FBXO4: variants seen among roughly 807,000 people sequenced by gnomAD.
FBXO4 encodes F-box protein 4, also known as F-box only protein 4.
FBXO4 carries 36 observed loss-of-function variants against 43.7 expected under a neutral mutation model. The observed-to-expected ratio is 0.82, with a 90% CI of 0.63 to 1.09. The LOEUF is 1.09. Ranked by LOEUF, FBXO4 falls within the 50% of genes least tolerant of loss-of-function variation. The probability of loss-of-function intolerance (pLI) is 0.00; values close to 1 mark genes in which losing one functional copy is unlikely to be tolerated. For missense variants in FBXO4, 435 were observed against 474.1 expected, an observed-to-expected ratio of 0.92 and a Z score of 0.77; for synonymous variants, 180 against 165.6, an observed-to-expected ratio of 1.09 and a Z score of -0.67.
chr5:41,943,924 C>T (rs573141606), downstream of FBXO4, among the ~76,000 whole-genome samples: 1 of 152,260 alleles, frequency 6.6e-6, no homozygotes, highest in East Asian at 1.9e-4. Flanking sequence ...TGTTTATAGA[C>T]AGACAAAAGA....
intron 5 of FBXO4, among the ~76,000 whole-genome samples, chr5:41,938,662 G>T (rs1751915398): frequency 6.6e-6 from 1 of 152,170 alleles, no homozygotes; most frequent in Admixed American, 6.5e-5. Context: ...CTCTTGGGCT[G>T]AAATTTGTGT....
the FBXO4 span, among the ~76,000 whole-genome samples, chr5:42,019,708 CCAAGA>C: frequency 4.0e-5 from 6 of 149,888 alleles, no homozygotes; most frequent in African/African-American, 1.2e-4. Context: ...AAAAAAAAAA[CCAAGA>C]AAGAAAGAAA....
chr5:42,031,637 C>CA, the FBXO4 span, among the ~76,000 whole-genome samples: 7 of 151,652 alleles, frequency 4.6e-5, no homozygotes, highest in African/African-American at 1.7e-4. Flanking sequence ...AACAAACAAA[C>CA]AAAAAAAGAA....
chr5:42,023,960 T>G, the FBXO4 span, among the ~76,000 whole-genome samples: 1 of 152,078 alleles, frequency 6.6e-6, no homozygotes, highest in South Asian at 2.1e-4. Context: ...TCAGGTTTGC[T>G]GGCTGTTGGC....
intron 3 of FBXO4, among the ~76,000 whole-genome samples, chr5:41,932,650 A>T (rs1212993250): frequency 1.3e-5 from 2 of 152,230 alleles, no homozygotes. Flanking sequence ...TTATTAAAAA[A>T]TTCTTCCAAC....
At chr5:42,004,026 C>T in the FBXO4 span, among the ~76,000 whole-genome samples, 52 of 152,192 alleles carry the variant, frequency 3.4e-4, no homozygotes, top group African/African-American at 9.4e-4. Context: ...ACATATACAC[C>T]GTGGAATATT....
chr5:42,007,191 T>C, the FBXO4 span, among the ~76,000 whole-genome samples: 6 of 144,704 alleles, frequency 4.1e-5, no homozygotes, highest in Admixed American at 4.2e-4. Context: ...ATGTTACTGA[T>C]GTCTTTATAA....
intron 6 of FBXO4, among the ~76,000 whole-genome samples, chr5:41,939,982 TG>T (rs1436390319): frequency 6.6e-6 from 1 of 151,448 alleles, no homozygotes; most frequent in African/African-American, 2.4e-5. Context: ...CCCAGGTACC[TG>T]GGACTACAGG....
the FBXO4 span, among the ~76,000 whole-genome samples, chr5:42,030,914 T>G: frequency 3.3e-5 from 5 of 152,122 alleles, no homozygotes; most frequent in East Asian, 1.9e-4. Flanking sequence ...TGAGATACCA[T>G]CTCACACCAG....
the FBXO4 span, among the ~76,000 whole-genome samples, chr5:41,989,253 G>A: frequency 2.6e-5 from 4 of 152,074 alleles, no homozygotes; most frequent in Non-Finnish European, 5.9e-5. Flanking sequence ...TTATGAAAAA[G>A]TAGATTCAAA....
chr5:41,948,137 C>CTTT, the FBXO4 span, among the ~76,000 whole-genome samples: 21 of 138,042 alleles, frequency 1.5e-4, no homozygotes, highest in African/African-American at 4.6e-4. Context: ...TGGCTACAAT[C>CTTT]TTTTTTTTTT....
chr5:41,942,437 G>A (rs1438863679), downstream of FBXO4, among the ~76,000 whole-genome samples: 1 of 150,368 alleles, frequency 6.7e-6, no homozygotes, highest in Non-Finnish European at 1.5e-5. Context: ...TTTTAAAATG[G>A]CATTTCAGTT....
rs957828560 is a variant in FBXO4, at chr5:41,925,426, C to T, written c.117C>T (p.Ser39=). 1 of 1,379,386 alleles carries T rather than the reference C, an allele frequency of 7.2e-7. No individual in the cohort carries two copies. The highest frequency in any genetic ancestry group is 3.7e-5 in the Admixed American group (1 of 27,196). 85.4% of individuals were successfully genotyped at this position (1,379,386 alleles called of 1,614,324 possible). A position where few individuals can be genotyped will look rare whatever the true frequency, so the allele number is the denominator to read the frequency against. ...GGAAGACCTTCTGGCAGTCAGTGAG[C>T]AAGGAGAGGGTGGCGCGTACGACCT... ...SGWKTFWQSV[S]KERVARTTSR... is the part of the protein sequence containing the mutation. Residue 39 remains serine (S), a synonymous_variant, in exon 1 of 7, where the codon AGC becomes AGT. Transcript: ENST00000281623.
At chr5:41,952,079 G>T in the FBXO4 span, 1 of 196,382 alleles carries the variant, frequency 5.1e-6, no homozygotes, top group East Asian at 1.4e-4. Context: ...TTTTGTAGAG[G>T]TACTGTTCCA....
chr5:41,966,082 G>A, the FBXO4 span, among the ~76,000 whole-genome samples: 1 of 152,116 alleles, frequency 6.6e-6, no homozygotes, highest in Non-Finnish European at 1.5e-5. Flanking sequence ...TCGCTCATAG[G>A]TGGGAATTGA....
At chr5:42,021,456 G>T in the FBXO4 span, among the ~76,000 whole-genome samples, 21 of 152,094 alleles carry the variant, frequency 1.4e-4, no homozygotes, top group Non-Finnish European at 2.6e-4. Context: ...AACTAAATTT[G>T]GGACAGAGAA....
chr5:41,986,927 T>C, the FBXO4 span, among the ~76,000 whole-genome samples: 1 of 152,306 alleles, frequency 6.6e-6, no homozygotes, highest in African/African-American at 2.4e-5. Flanking sequence ...GTTGCCTTAA[T>C]GTGGAAATGT....
At chr5:41,930,881 C>T (rs150528334) in intron 3 of FBXO4, among the ~76,000 whole-genome samples, 1,546 of 152,298 alleles carry the variant, frequency 0.01, 10 homozygotes, top group Non-Finnish European at 0.016. Flanking sequence ...TGGTCTCGAT[C>T]TCATGACCTC....
chr5:41,985,129 C>T, the FBXO4 span, among the ~76,000 whole-genome samples: 1 of 152,190 alleles, frequency 6.6e-6, no homozygotes, highest in Non-Finnish European at 1.5e-5. Context: ...CTTCTCCAAA[C>T]ATCCAGCCTT....
Sources: gnomAD v4.1 joint callset for allele counts (sites outside exome capture counted in the v4.1 genomes callset) on GRCh38, gnomAD v4.1.1 for gene constraint, MANE v1.5 for transcripts, NCBI Gene and HGNC (gene_info 2026-07-23, HGNC 2026-07-21) for gene names.